Variants in LRRC3 observed in about 807,000 individuals in gnomAD.
LRRC3 encodes the protein leucine-rich repeat-containing protein 3.
For synonymous variants in LRRC3, 172 were observed against 164.1 expected, an observed-to-expected ratio of 1.05 and a Z score of -0.37; for missense variants, 351 against 361.6, an observed-to-expected ratio of 0.97 and a Z score of 0.24.
Position 44,456,782 on chromosome 21 carries a change from GGCT to G in LRRC3, c.140_142del (p.Ala47del). On this transcript the variant is annotated inframe_deletion, in exon 2 of 2. Coordinates refer to ENST00000291592, the MANE Select transcript of LRRC3 (RefSeq NM_030891.6). The stretch of plus-strand genomic sequence containing the variant: ...GGTGCCCTGACCACGCAGGGGCTGT[GGCT>G]GTCTTCTGCAGCTTGCGGGGCCTTC... 1 of 1,611,296 alleles carries G rather than the reference GGCT, an allele frequency of 6.2e-7. No individual in the cohort carries two copies. Among genetic ancestry groups the G allele is most frequent in the Non-Finnish European group, 8.5e-7 (1 of 1,179,882 alleles).
chr21:44,456,513 C>A lies in LRRC3; in HGVS notation c.-132C>A, dbSNP rs1339407698. 3 of 959,080 alleles carry A rather than the reference C, an allele frequency of 3.1e-6. No individual in the cohort carries two copies. Among genetic ancestry groups the A allele is most frequent in the Non-Finnish European group, 4.7e-6 (3 of 643,310 alleles). The allele number at this position is 959,080 out of a possible 1,614,324, so 59.4% of individuals were successfully genotyped here. On this transcript the variant is annotated 5_prime_UTR_variant, in exon 2 of 2. In the 5' UTR this introduces an upstream ATG that the reference lacks. Transcript: ENST00000291592. ...TCCCTTTCAGAGCTGCCAGAGTGGA[C>A]TGCACTGCTTCTCCCAGCGGGGCAG... is the stretch of plus-strand genomic sequence containing the variant.
At position 44,457,306 on chromosome 21, in the gene LRRC3, A is replaced by G. The variant is rs1168808077; in HGVS notation, c.662A>G (p.Tyr221Cys). Residue 221 changes from tyrosine to cysteine, a missense_variant, in exon 2 of 2, where the codon TAC becomes TGC. Coordinates refer to ENST00000291592, the MANE Select transcript of LRRC3 (RefSeq NM_030891.6). ...MFGWFAMVIAYVVYYVRHNQE... is the reference protein window; with the variant it reads ...MFGWFAMVIACVVYYVRHNQE... Reference sequence around the variant, plus strand: ...GGCTGGTTCGCCATGGTGATCGCCTACGTCGTGTACTATGTGCGCCACAAC... The same window carrying G: ...GGCTGGTTCGCCATGGTGATCGCCTGCGTCGTGTACTATGTGCGCCACAAC... 4 of 1,613,570 alleles carry G rather than the reference A, an allele frequency of 2.5e-6. No individual in the cohort carries two copies. Among genetic ancestry groups the G allele is most frequent in the Non-Finnish European group, 3.4e-6 (4 of 1,179,986 alleles).
At position 44,457,409 on chromosome 21, in the gene LRRC3, G is replaced by C. The variant is rs370611795; in HGVS notation, c.765G>C (p.Pro255=). Residue 255 remains proline (P), a synonymous_variant, in exon 2 of 2, where the codon CCG becomes CCC. Transcript: ENST00000291592. Reference sequence around the variant, plus strand: ...CCGCCTCCAAGGACCCCATCGGCCCGGGGCCCTAGCGCCTGTTCCGGCAGA... The same window carrying C: ...CCGCCTCCAAGGACCCCATCGGCCCCGGGCCCTAGCGCCTGTTCCGGCAGA... ...SAPASKDPIG[P]GP 2 of 1,583,360 alleles carry C rather than the reference G, an allele frequency of 1.3e-6. No individual in the cohort carries two copies. Among genetic ancestry groups the C allele is most frequent in the African/African-American group, 1.3e-5 (1 of 74,274 alleles).
intron 1 of LRRC3, 58 bp downstream of exon 1, chr21:44,455,713 C>T (rs2051693598): frequency 3.3e-5 from 5 of 151,952 alleles, no homozygotes; most frequent in Admixed American, 3.3e-4. Flanking sequence ...TGACCATCCC[C>T]CCGCCGCGAG....
rs2051747641 is a variant in LRRC3 at position 44,461,714 on chromosome 21, G to A, written c.*4296G>A. 6.6e-6 allele frequency: 1 copy of A among 152,196 alleles called. No homozygotes were observed. The highest frequency in any genetic ancestry group is 2.4e-5 in the African/African-American group (1 of 41,426). The allele number at this position is 152,196 out of a possible 1,614,324, so 9.4% of individuals were successfully genotyped here. On this transcript the variant is annotated 3_prime_UTR_variant, in exon 2 of 2. Coordinates refer to ENST00000291592, the MANE Select transcript of LRRC3 (RefSeq NM_030891.6). Reference sequence around the variant, plus strand: ...GTGCACGGCCCATCAGACAGGGTCTGGAGTGGGGCTGCCGTCTTGGGCAGC... The same window carrying A: ...GTGCACGGCCCATCAGACAGGGTCTAGAGTGGGGCTGCCGTCTTGGGCAGC...
chr21:44,457,526 T>C lies in LRRC3; in HGVS notation c.*108T>C. The C allele has an allele frequency of 7.8e-7, 1 of 1,278,168 alleles. No individual in the cohort carries two copies. Among genetic ancestry groups the C allele is most frequent in the Non-Finnish European group, 1.1e-6 (1 of 937,234 alleles). The allele number at this position is 1,278,168 out of a possible 1,614,324, so 79.2% of individuals were successfully genotyped here. A position where few individuals can be genotyped will look rare whatever the true frequency, so the allele number is the denominator to read the frequency against. On this transcript the variant is annotated 3_prime_UTR_variant, in exon 2 of 2. Transcript: ENST00000291592. ...AGGCAGGTGTCACAGCCATGTGTGC[T>C]CCCCACTGTTGCACTCAGGCACAGC...
In LRRC3 at chr21:44,456,909, C is replaced by T. The variant is rs201964764; in HGVS notation, c.265C>T (p.Arg89Trp). The stretch of plus-strand genomic sequence containing the variant: ...GGACGGGGCCTTCCAGCACCTGCAC[C>T]GGCTCAGGGAGCTGGATCTGTCTCA... The part of the protein sequence containing the change: ...LPDGAFQHLH[R>W]LRELDLSHNA... Residue 89 changes from arginine (R) to tryptophan (W), a missense_variant, in exon 2 of 2, where the codon CGG becomes TGG. By Grantham distance (101) the Arg-to-Trp change is moderately radical. Transcript: ENST00000291592. The T allele has an allele frequency of 2.0e-5, 33 of 1,610,890 alleles. No individual in the cohort carries two copies. Among genetic ancestry groups the T allele is most frequent in the Admixed American group, 5.0e-5 (3 of 59,974 alleles).
chr21:44,457,439 C>G lies in LRRC3; in HGVS notation c.*21C>G. The stretch of plus-strand genomic sequence containing the variant: ...CCTAGCGCCTGTTCCGGCAGACCCC[C>G]GCCGGTGGCTGCTGTCACTTTTGTA... On this transcript the variant is annotated 3_prime_UTR_variant, in exon 2 of 2. Transcript: ENST00000291592. The G allele has an allele frequency of 1.9e-6, 3 of 1,546,156 alleles. No individual in the cohort carries two copies. The highest frequency in any genetic ancestry group is 2.6e-6 in the Non-Finnish European group (3 of 1,144,402).
Position 44,456,959 on chromosome 21 carries a change from C to T in LRRC3, c.315C>T (p.Ser105=), listed in dbSNP as rs137944141. 3.2e-5 allele frequency: 51 copies of T among 1,608,112 alleles called. No homozygotes were observed. In the African/African-American group the frequency reaches 3.2e-4, roughly 10 times the overall value. The change falls in exon 2 of 2, where the codon TCC becomes TCT. Residue 105 remains serine, a synonymous_variant. Coordinates refer to ENST00000291592, the MANE Select transcript of LRRC3 (RefSeq NM_030891.6). The part of the protein sequence containing the change: ...LSHNAIEAIG[S]ATFAGLAGGL... ...ACAACGCCATCGAGGCCATCGGCTCCGCCACCTTCGCGGGCCTGGCCGGGG... is the reference window on the plus strand; with the variant it reads ...ACAACGCCATCGAGGCCATCGGCTCTGCCACCTTCGCGGGCCTGGCCGGGG...
chr21:44,456,495 C>G lies in LRRC3; in HGVS notation c.-147-3C>G. 1.2e-6 allele frequency: 1 copy of G among 835,804 alleles called. No homozygotes were observed. Among genetic ancestry groups the G allele is most frequent in the South Asian group, 1.7e-5 (1 of 57,900 alleles). The allele number at this position is 835,804 out of a possible 1,614,324, so 51.8% of individuals were successfully genotyped here. ...CCGCTCCCTCCTGCGTCTTCCCTTT[C>G]AGAGCTGCCAGAGTGGACTGCACTG... On this transcript the variant is annotated splice_polypyrimidine_tract_variant and splice_region_variant and intron_variant, in intron 1 of 1. Transcript: ENST00000291592.
rs1032651190 is a variant in LRRC3, at chr21:44,457,747, G to A, written c.*329G>A. ...TCTCCCACACGGGGCCCTGCAGGCT[G>A]TGGATATGCACTCAGAGGACTAAGG... is the stretch of plus-strand genomic sequence containing the variant. On this transcript the variant is annotated 3_prime_UTR_variant, in exon 2 of 2. Coordinates refer to ENST00000291592, the MANE Select transcript of LRRC3 (RefSeq NM_030891.6). 1.3e-5 allele frequency: 5 copies of A among 380,106 alleles called. No homozygotes were observed. The highest frequency in any genetic ancestry group is 2.5e-5 in the Non-Finnish European group (5 of 198,226). The allele number at this position is 380,106 out of a possible 1,614,324, so 23.5% of individuals were successfully genotyped here. A position where few individuals can be genotyped will look rare whatever the true frequency, so the allele number is the denominator to read the frequency against.
chr21:44,456,456 C>G, intron 1 of LRRC3, 42 bp from the exon 2 acceptor site: 2 of 639,484 alleles, frequency 3.1e-6, no homozygotes, highest in Non-Finnish European at 5.3e-6. Context: ...GTGCTGACCA[C>G]CCTCCCTCCC....
chr21:44,456,499 G>A lies in LRRC3; in HGVS notation c.-146G>A. The A allele has an allele frequency of 1.2e-6, 1 of 854,364 alleles. No individual in the cohort carries two copies. Among genetic ancestry groups the A allele is most frequent in the Non-Finnish European group, 1.8e-6 (1 of 554,082 alleles). The allele number at this position is 854,364 out of a possible 1,614,324, so 52.9% of individuals were successfully genotyped here. Reference sequence around the variant, plus strand: ...TCCCTCCTGCGTCTTCCCTTTCAGAGCTGCCAGAGTGGACTGCACTGCTTC... The same window carrying A: ...TCCCTCCTGCGTCTTCCCTTTCAGAACTGCCAGAGTGGACTGCACTGCTTC... On this transcript the variant is annotated splice_region_variant and 5_prime_UTR_variant, in exon 2 of 2. Coordinates refer to ENST00000291592, the MANE Select transcript of LRRC3 (RefSeq NM_030891.6).
At position 44,456,761 on chromosome 21, in the gene LRRC3, C is replaced by G; in HGVS notation, c.117C>G (p.Cys39Trp). 1 of 1,610,606 alleles carries G rather than the reference C, an allele frequency of 6.2e-7. No individual in the cohort carries two copies. The highest frequency in any genetic ancestry group is 8.5e-7 in the Non-Finnish European group (1 of 1,179,878). The change falls in exon 2 of 2, where the codon TGC (cysteine) becomes TGG (tryptophan). Residue 39 changes from cysteine (C) to tryptophan (W), a missense_variant. Cys to Trp is a radical substitution (Grantham distance 215). Coordinates refer to ENST00000291592, the MANE Select transcript of LRRC3 (RefSeq NM_030891.6). ...LGAACPQPCR[C>W]PDHAGAVAVF... The stretch of plus-strand genomic sequence containing the variant: ...CCGCCTGCCCACAGCCCTGCCGGTG[C>G]CCTGACCACGCAGGGGCTGTGGCTG...
In LRRC3 at chr21:44,457,068, C is replaced by G. The variant is rs918846818; in HGVS notation, c.424C>G (p.Leu142Val). ...ALGKLSAKIR[L>V]SHNPLHCECA... is the part of the protein sequence containing the mutation. ...GGGCAAACTCAGCGCCAAGATACGC[C>G]TGTCCCACAACCCCCTGCACTGCGA... Residue 142 changes from leucine (L) to valine (V), a missense_variant, in exon 2 of 2, where the codon CTG becomes GTG. By Grantham distance (32) the Leu-to-Val change is conservative. Transcript: ENST00000291592. 6 of 1,608,636 alleles carry G rather than the reference C, an allele frequency of 3.7e-6. No individual in the cohort carries two copies. In the African/African-American group the frequency reaches 8.0e-5, roughly 21 times the overall value.
rs2145877944 is a variant in LRRC3 at position 44,459,703 on chromosome 21, A to G, written c.*2285A>G. ...GACTCTTCATTTGTCCTTACCCTAG[A>G]ATCAGCCCAGACACTGGACATCACC... On this transcript the variant is annotated 3_prime_UTR_variant, in exon 2 of 2. Coordinates refer to ENST00000291592, the MANE Select transcript of LRRC3 (RefSeq NM_030891.6). 6.5e-6 allele frequency: 1 copy of G among 152,682 alleles called. No individual in the cohort carries two copies. The highest frequency in any genetic ancestry group is 6.5e-5 in the Admixed American group (1 of 15,308). 9.5% of individuals were successfully genotyped at this position (152,682 alleles called of 1,614,324 possible).
chr21:44,456,775 G>GGGCTGT lies in LRRC3; in HGVS notation c.138_143dup (p.Ala47_Val48dup). 1 of 1,611,070 alleles carries GGGCTGT rather than the reference G, an allele frequency of 6.2e-7. No homozygotes were observed. The highest frequency in any genetic ancestry group is 1.1e-5 in the South Asian group (1 of 91,068). On this transcript the variant is annotated inframe_insertion, in exon 2 of 2. Coordinates refer to ENST00000291592, the MANE Select transcript of LRRC3 (RefSeq NM_030891.6). ...CCCTGCCGGTGCCCTGACCACGCAG[G>GGGCTGT]GGCTGTGGCTGTCTTCTGCAGCTTG... is the stretch of plus-strand genomic sequence containing the variant.
rs779750940 is a variant in LRRC3 at position 44,457,257 on chromosome 21, G to T, written c.613G>T (p.Val205Leu). ...LCSVPHRTTD[V>L]AMLVTMFGWF... ...CAGCGTCCCCCACAGGACCACAGAC[G>T]TGGCCATGCTGGTCACCATGTTCGG... The change falls in exon 2 of 2, where the codon GTG becomes TTG. Residue 205 changes from valine (V) to leucine (L), a missense_variant. Coordinates refer to ENST00000291592, the MANE Select transcript of LRRC3 (RefSeq NM_030891.6). The T allele has an allele frequency of 1.4e-5, 22 of 1,613,924 alleles. No homozygotes were observed. The South Asian group carries it at 1.9e-4, about 14-fold the overall frequency.
rs199708712 is a variant in LRRC3 at position 44,457,428 on chromosome 21, C to T, written c.*10C>T. On this transcript the variant is annotated 3_prime_UTR_variant, in exon 2 of 2. Transcript: ENST00000291592. ...CGGCCCGGGGCCCTAGCGCCTGTTC[C>T]GGCAGACCCCCGCCGGTGGCTGCTG... is the stretch of plus-strand genomic sequence containing the variant. The T allele has an allele frequency of 2.7e-4, 415 of 1,554,436 alleles. 2 individuals are homozygous for T. Among genetic ancestry groups the T allele is most frequent in the African/African-American group, 1.5e-4 (11 of 73,386 alleles).
Sources: gnomAD v4.1 joint callset for allele counts on GRCh38, gnomAD v4.1.1 for gene constraint, MANE v1.5 for transcripts, NCBI Gene and HGNC (gene_info 2026-07-23, HGNC 2026-07-21) for gene names.